Variants in RAB18 observed in about 807,000 individuals in gnomAD.
The protein encoded by RAB18 is ras-related protein Rab-18.
In RAB18, 10 loss-of-function variants were observed where a neutral mutation model predicts 28.5. The ratio of observed to expected loss-of-function variants is 0.35; its 90% CI spans 0.22 to 0.60. RAB18 has a LOEUF of 0.60. RAB18 is among the 20% of genes least tolerant of loss of function. The pLI is 0.78. For missense variants in RAB18, 188 were observed against 244.2 expected (o/e 0.77, Z 1.53); for synonymous variants, 93 against 86.9 (o/e 1.07, Z -0.39).
Position 27,538,220 on chromosome 10 carries a change from A to G in RAB18, c.*169A>G, listed in dbSNP as rs773134924. On this transcript the variant is annotated 3_prime_UTR_variant, in exon 7 of 7. Transcript: ENST00000356940. ...ACTCATCGACCCCGGGTAAAATGTT[A>G]TGGTAAGCATGCACAGTTTGCAGTC... 8.1e-6 allele frequency: 7 copies of G among 866,024 alleles called. No individual in the cohort carries two copies. The East Asian group carries it at 1.1e-4, about 13-fold the overall frequency. 53.6% of individuals were successfully genotyped at this position (866,024 alleles called of 1,614,324 possible).
intron 1 of RAB18, 35 bp downstream of exon 1, chr10:27,504,472 T>G: frequency 6.4e-7 from 1 of 1,552,862 alleles, no homozygotes; most frequent in South Asian, 1.2e-5. Context: ...CGAGGGTGGC[T>G]GGGCTCTTTC....
At position 27,538,228 on chromosome 10, in the gene RAB18, C is replaced by T; in HGVS notation, c.*177C>T. On this transcript the variant is annotated 3_prime_UTR_variant, in exon 7 of 7. Transcript: ENST00000356940. ...ACCCCGGGTAAAATGTTATGGTAAG[C>T]ATGCACAGTTTGCAGTCTACAGTTT... 1.2e-6 allele frequency: 1 copy of T among 833,136 alleles called. No individual in the cohort carries two copies. The highest frequency in any genetic ancestry group is 2.0e-6 in the Non-Finnish European group (1 of 507,982). 51.6% of individuals were successfully genotyped at this position (833,136 alleles called of 1,614,324 possible). A position where few individuals can be genotyped will look rare whatever the true frequency, so the allele number is the denominator to read the frequency against.
At chr10:27,511,668 T>G (rs1333434798) in intron 2 of RAB18, among the ~76,000 whole-genome samples, 3 of 152,238 alleles carry the variant, frequency 2.0e-5, no homozygotes, top group Admixed American at 1.3e-4. Flanking sequence ...TTGGCAGCAA[T>G]TCCACAGAAG....
intron 2 of RAB18, among the ~76,000 whole-genome samples, chr10:27,525,710 T>A (rs984140578): frequency 6.6e-6 from 1 of 152,202 alleles, no homozygotes; most frequent in East Asian, 1.9e-4. Context: ...AACTTAAAAA[T>A]ATATATATTT....
At position 27,533,815 on chromosome 10, in the gene RAB18, G is replaced by A. The variant is rs1189602931; in HGVS notation, c.340G>A (p.Asp114Asn). ...NELETYCTRN[D>N]IVNMLVGNKI... Reference sequence around the variant, plus strand: ...ATTGGAAACATACTGTACAAGAAATGACATAGTAAACATGCTAGTTGGAAA... The same window carrying A: ...ATTGGAAACATACTGTACAAGAAATAACATAGTAAACATGCTAGTTGGAAA... Residue 114 changes from aspartate to asparagine, a missense_variant, in exon 5 of 7, where the codon GAC becomes AAC. Transcript: ENST00000356940. 1.2e-6 allele frequency: 2 copies of A among 1,613,636 alleles called. No individual in the cohort carries two copies. Among genetic ancestry groups the A allele is most frequent in the Middle Eastern group, 1.7e-4 (1 of 6,058 alleles).
Position 27,533,716 on chromosome 10 carries a change from A to G in RAB18, c.260-19A>G, listed in dbSNP as rs375153084. On this transcript the variant is annotated intron_variant, in intron 4 of 6. Transcript: ENST00000356940. The stretch of plus-strand genomic sequence containing the variant: ...TCTTTCTTTAATGCTTATTTAACAA[A>G]TGACTCCTTTTATTTCAGTTTATGA... 27 of 1,611,018 alleles carry G rather than the reference A, an allele frequency of 1.7e-5. No individual in the cohort carries two copies. Among genetic ancestry groups the G allele is most frequent in the Middle Eastern group, 1.8e-4 (1 of 5,646 alleles).
chr10:27,514,761 TTTTG>T (rs1247976192), intron 2 of RAB18, among the ~76,000 whole-genome samples: 2 of 152,120 alleles, frequency 1.3e-5, no homozygotes, highest in East Asian at 3.9e-4. Flanking sequence ...TTGCAAGTTT[TTTTG>T]TTTTTTTGTT....
chr10:27,522,876 G>A (rs774050511), intron 2 of RAB18, among the ~76,000 whole-genome samples: 3 of 151,718 alleles, frequency 2.0e-5, no homozygotes, highest in Non-Finnish European at 4.4e-5. Flanking sequence ...TTCATCCTTT[G>A]TAATGATTTT....
At chr10:27,508,167 G>T (rs1055128952) in intron 1 of RAB18, among the ~76,000 whole-genome samples, 1 of 152,140 alleles carries the variant, frequency 6.6e-6, no homozygotes, top group African/African-American at 2.4e-5. Context: ...ATAGAATTTA[G>T]AATACTTTTT....
chr10:27,506,355 T>C (rs2138961774), intron 1 of RAB18, among the ~76,000 whole-genome samples: 1 of 152,162 alleles, frequency 6.6e-6, no homozygotes, highest in Middle Eastern at 3.4e-3. Flanking sequence ...AGGGTCTTAT[T>C]CTGTCACCCA....
intron 2 of RAB18, among the ~76,000 whole-genome samples, chr10:27,514,921 C>T (rs1477250106): frequency 1.3e-5 from 2 of 151,972 alleles, no homozygotes; most frequent in Non-Finnish European, 2.9e-5. Context: ...TGCCACCATG[C>T]CCGGGTGATC....
At chr10:27,525,679 T>G (rs965165911) in intron 2 of RAB18, among the ~76,000 whole-genome samples, 1 of 152,302 alleles carries the variant, frequency 6.6e-6, no homozygotes, top group South Asian at 2.1e-4. Context: ...AACTCCTTTA[T>G]CACCCCAGCT....
intron 3 of RAB18, among the ~76,000 whole-genome samples, chr10:27,527,397 G>C (rs772885803): frequency 6.6e-6 from 1 of 151,810 alleles, no homozygotes; most frequent in African/African-American, 2.4e-5. Context: ...CAACCATTCT[G>C]ATCCCCGTTA....
chr10:27,538,308 T>TA lies in RAB18; in HGVS notation c.*258dup. 1 of 589,592 alleles carries TA rather than the reference T, an allele frequency of 1.7e-6. No homozygotes were observed. The highest frequency in any genetic ancestry group is 3.2e-6 in the Non-Finnish European group (1 of 315,786). The allele number at this position is 589,592 out of a possible 1,614,324, so 36.5% of individuals were successfully genotyped here. A position where few individuals can be genotyped will look rare whatever the true frequency, so the allele number is the denominator to read the frequency against. ...TATAAGTACATTCAATTTTATGATT[T>TA]ACATTTATCATGTAATTTTTAAAAA... On this transcript the variant is annotated 3_prime_UTR_variant, in exon 7 of 7. Transcript: ENST00000356940.
In RAB18 at chr10:27,520,218, T is replaced by A. The variant is rs74127332; in HGVS notation, c.125-6610T>A. On this transcript the variant is annotated intron_variant, in intron 2 of 6. Coordinates refer to ENST00000356940, the MANE Select transcript of RAB18 (RefSeq NM_021252.5). Reference sequence around the variant, plus strand: ...TTCATGAGTAAATTTTGGCAGATTGTGTATTTGTTAGAATTTGCCCATTTA... The same window carrying A: ...TTCATGAGTAAATTTTGGCAGATTGAGTATTTGTTAGAATTTGCCCATTTA... Among the ~76,000 whole-genome samples the A allele has an allele frequency of 7.0e-3, 1,065 of 152,196 alleles. 5 individuals are homozygous for A. Among genetic ancestry groups the A allele is most frequent in the African/African-American group, 0.024 (991 of 41,570 alleles).
chr10:27,515,538 T>C (rs924130385), intron 2 of RAB18, among the ~76,000 whole-genome samples: 6 of 152,164 alleles, frequency 3.9e-5, no homozygotes, highest in Admixed American at 2.0e-4. Flanking sequence ...GTGGTTGTTA[T>C]GGGTTGATGT....
In RAB18 at chr10:27,541,984, A is replaced by G. The variant is rs1361971806; in HGVS notation, c.*3933A>G. On this transcript the variant is annotated 3_prime_UTR_variant, in exon 7 of 7. Transcript: ENST00000356940. ...ACCTGACCCAGACCAGACTACTGAG[A>G]TAAAGATGTTTGCCTAGGCTTTTTC... 1 of 454,084 alleles carries G rather than the reference A, an allele frequency of 2.2e-6. No individual in the cohort carries two copies. The allele number at this position is 454,084 out of a possible 1,614,324, so 28.1% of individuals were successfully genotyped here. A position where few individuals can be genotyped will look rare whatever the true frequency, so the allele number is the denominator to read the frequency against.
intron 1 of RAB18, chr10:27,504,732 G>C (rs754707661): frequency 4.8e-5 from 31 of 646,974 alleles, no homozygotes; most frequent in South Asian, 8.9e-5. Context: ...CAGGTTTGCT[G>C]CGCGGAGCTC....
intron 1 of RAB18, among the ~76,000 whole-genome samples, chr10:27,506,018 A>G (rs1837823738): frequency 2.0e-5 from 3 of 152,234 alleles, no homozygotes; most frequent in South Asian, 4.1e-4. Context: ...TTACATGATC[A>G]TCTATTATTG....
Sources: allele counts gnomAD v4.1 joint callset (sites outside exome capture counted in the v4.1 genomes callset), GRCh38; gene constraint gnomAD v4.1.1; transcripts MANE v1.5; gene names NCBI Gene and HGNC (gene_info 2026-07-23, HGNC 2026-07-21).